The following STK3 variants were observed in gnomAD, a reference collection of about 807,000 sequenced individuals.
STK3 encodes serine/threonine-protein kinase 3.
In STK3, 41 loss-of-function variants were observed where a neutral mutation model predicts 58.0. That is an observed-to-expected ratio of 0.71 (90% CI 0.55 to 0.92). The LOEUF (loss-of-function observed/expected upper bound fraction) is 0.92, where lower values mean the gene tolerates loss of function less well. Among genes scored for constraint, STK3 ranks in the 40% least tolerant of loss-of-function variants. The pLI, the probability that STK3 is intolerant of heterozygous loss-of-function variation, is 0.00. For synonymous variants in STK3, 170 were observed against 191.0 expected, an observed-to-expected ratio of 0.89 and a Z score of 0.91; for missense variants, 479 against 602.7, an observed-to-expected ratio of 0.79 and a Z score of 2.15.
At chr8:98,770,249 C>A (rs768964489) in intron 2 of STK3, among the ~76,000 whole-genome samples, 45 of 152,146 alleles carry the variant, frequency 3.0e-4, no homozygotes, top group Non-Finnish European at 5.6e-4. Context: ...ACTCCACCAC[C>A]ACTTATTGCT....
chr8:98,564,756 T>C (rs1812341465), intron 8 of STK3, among the ~76,000 whole-genome samples: 1 of 152,118 alleles, frequency 6.6e-6, no homozygotes, highest in Non-Finnish European at 1.5e-5. Flanking sequence ...TCGTTATATA[T>C]CAATTTTTTT....
intron 1 of STK3, among the ~76,000 whole-genome samples, chr8:98,940,955 C>T (rs1177930605): frequency 6.6e-6 from 1 of 152,260 alleles, no homozygotes; most frequent in African/African-American, 2.4e-5. Context: ...CCACAGGACC[C>T]CTACCGCACA....
intron 1 of STK3, among the ~76,000 whole-genome samples, chr8:98,892,103 G>C (rs1239782740): frequency 6.6e-6 from 1 of 152,134 alleles, no homozygotes; most frequent in African/African-American, 2.4e-5. Flanking sequence ...ATAGACCCAG[G>C]TCACGGATGC....
At chr8:98,614,185 A>C (rs941085702) in intron 6 of STK3, among the ~76,000 whole-genome samples, 11 of 152,206 alleles carry the variant, frequency 7.2e-5, no homozygotes, top group African/African-American at 2.4e-4. Flanking sequence ...ACCATCAACA[A>C]AATTTATAGA....
At chr8:98,419,503 GA>G (rs1174045873) in intron 3 of STK3, among the ~76,000 whole-genome samples, 4 of 152,194 alleles carry the variant, frequency 2.6e-5, no homozygotes, top group Non-Finnish European at 4.4e-5. Context: ...TTTATTCTGA[GA>G]AAAGGAAAAC....
chr8:98,653,066 G>A (rs1030556475), intron 6 of STK3, among the ~76,000 whole-genome samples: 6 of 152,096 alleles, frequency 3.9e-5, no homozygotes, highest in Non-Finnish European at 8.8e-5. Context: ...TTCCAAAACT[G>A]ACCACATAGC....
At chr8:98,378,386 T>G (rs1452050158) in intron 2 of STK3, among the ~76,000 whole-genome samples, 1 of 152,244 alleles carries the variant, frequency 6.6e-6, no homozygotes, top group East Asian at 1.9e-4. Flanking sequence ...CCTATACGTT[T>G]CAGGATCAAT....
intron 6 of STK3, among the ~76,000 whole-genome samples, chr8:98,623,954 T>C (rs978271275): frequency 1.3e-5 from 2 of 152,226 alleles, no homozygotes; most frequent in African/African-American, 4.8e-5. Flanking sequence ...ACCCAGTCTT[T>C]AGCATTTTGT....
chr8:98,904,754 T>G, intron 1 of STK3: 1 of 794,668 alleles, frequency 1.3e-6, no homozygotes. Context: ...GGCTGCAGCA[T>G]GACGCGGTTC....
intron 4 of STK3, among the ~76,000 whole-genome samples, chr8:98,738,940 T>A (rs1372309663): frequency 6.6e-6 from 1 of 152,224 alleles, no homozygotes; most frequent in African/African-American, 2.4e-5. Context: ...GGAGATTATA[T>A]CCCACACCTG....
chr8:98,750,652 G>C (rs979372022), intron 3 of STK3, among the ~76,000 whole-genome samples: 4 of 151,282 alleles, frequency 2.6e-5, no homozygotes, highest in Non-Finnish European at 5.9e-5. Context: ...GATGGACTTA[G>C]GGCCAAATTC....
At chr8:98,392,450 C>A (rs1374757164), upstream of STK3, among the ~76,000 whole-genome samples, 1 of 152,126 alleles carries the variant, frequency 6.6e-6, no homozygotes, top group Non-Finnish European at 1.5e-5. Flanking sequence ...CTCTGGGCTC[C>A]CCTCCCACCG....
At chr8:98,795,859 TAC>T (rs1833137674) in intron 1 of STK3, among the ~76,000 whole-genome samples, 1 of 145,894 alleles carries the variant, frequency 6.9e-6, no homozygotes, top group African/African-American at 2.6e-5. Context: ...TACAATACAA[TAC>T]AATACCTAGG....
intron 1 of STK3, among the ~76,000 whole-genome samples, chr8:98,914,492 ACTCT>A (rs201799011): frequency 6.6e-5 from 9 of 136,378 alleles, no homozygotes; most frequent in Non-Finnish European, 1.3e-4. Flanking sequence ...ACACACACAC[ACTCT>A]CTCTCTCTCT....
chr8:98,446,372 G>A (rs2131107832), intron 1 of STK3, among the ~76,000 whole-genome samples: 1 of 152,322 alleles, frequency 6.6e-6, no homozygotes, highest in Admixed American at 6.5e-5. Context: ...CACAGTTGGT[G>A]CTTAATAGAT....
intron 10 of STK3, among the ~76,000 whole-genome samples, chr8:98,514,151 A>T (rs1824742070): frequency 6.6e-6 from 1 of 152,046 alleles, no homozygotes; most frequent in African/African-American, 2.4e-5. Flanking sequence ...GGAGGGGAGA[A>T]AGCATGCCAA....
At chr8:98,712,816 A>C (rs1157837212) in intron 4 of STK3, among the ~76,000 whole-genome samples, 1 of 151,440 alleles carries the variant, frequency 6.6e-6, no homozygotes, top group African/African-American at 2.4e-5. Flanking sequence ...TCCACCCCAA[A>C]TCAACAGAAT....
intron 1 of STK3, among the ~76,000 whole-genome samples, chr8:98,819,857 A>G (rs772161482): frequency 3.9e-5 from 6 of 152,142 alleles, no homozygotes; most frequent in Non-Finnish European, 8.8e-5. Context: ...CCCTGCAATA[A>G]TATCTTTGTG....
intron 8 of STK3, among the ~76,000 whole-genome samples, chr8:98,565,296 CACT>C (rs1166333840): frequency 6.6e-5 from 10 of 152,042 alleles, no homozygotes; most frequent in Non-Finnish European, 1.2e-4. Flanking sequence ...CAAAAGCCAC[CACT>C]ACCACAAAGA....
Sources: allele counts gnomAD v4.1 joint callset (sites outside exome capture counted in the v4.1 genomes callset), GRCh38; gene constraint gnomAD v4.1.1; transcripts MANE v1.5; gene names NCBI Gene and HGNC (gene_info 2026-07-23, HGNC 2026-07-21).